Variants in GGT5 observed in about 807,000 individuals in gnomAD.
The protein encoded by GGT5 is gamma-glutamyltransferase 5.
In GGT5, 50 loss-of-function variants were observed where a neutral mutation model predicts 58.1. The observed-to-expected ratio is 0.86, with a 90% CI of 0.69 to 1.09. The LOEUF is 1.09. Ranked by LOEUF, GGT5 falls within the 50% of genes least tolerant of loss-of-function variation. The pLI is 0.00. For synonymous variants in GGT5, 370 were observed against 346.1 expected, an observed-to-expected ratio of 1.07 and a Z score of -0.77; for missense variants, 800 against 789.4, an observed-to-expected ratio of 1.01 and a Z score of -0.16.
chr22:24,228,975 A>G (rs188350084), intron 6 of GGT5, among the ~76,000 whole-genome samples: 16 of 151,964 alleles, frequency 1.1e-4, no homozygotes, highest in African/African-American at 3.9e-4. Context: ...GGGTAGTCCT[A>G]GCTACTCGGG....
chr22:24,239,338 C>CA (rs71189234), intron 1 of GGT5, among the ~76,000 whole-genome samples: 33 of 132,756 alleles, frequency 2.5e-4, no homozygotes, highest in Admixed American at 6.1e-4. Context: ...GACTCTGTCT[C>CA]AAAAAAAAAA....
rs1569357420 is a variant in GGT5, at chr22:24,226,728, C to G, written c.941G>C (p.Gly314Ala). The G allele has an allele frequency of 6.2e-7, 1 of 1,613,842 alleles. No individual in the cohort carries two copies. The change falls in exon 7 of 12, where the codon GGG (glycine) becomes GCG (alanine). Residue 314 changes from glycine to alanine, a missense_variant. Physicochemically the swap from Gly to Ala is moderately conservative, Grantham distance 60. Coordinates refer to ENST00000327365, the MANE Select transcript of GGT5 (RefSeq NM_004121.5). ...FSTESMARPE[G>A]RVNVYHHLVE... is the part of the protein sequence containing the mutation. ...AAGGTGGTGGTACACGTTCACCCTCCCTTCAGGCCTGGCCATAGACTCTGT... is the reference window on the plus strand; with the variant it reads ...AAGGTGGTGGTACACGTTCACCCTCGCTTCAGGCCTGGCCATAGACTCTGT...
chr22:24,237,167 C>T (rs1297450680), intron 1 of GGT5, among the ~76,000 whole-genome samples: 7 of 152,112 alleles, frequency 4.6e-5, no homozygotes, highest in Non-Finnish European at 7.3e-5. Context: ...TCCTGAGTAG[C>T]TGGGACTATA....
intron 1 of GGT5, among the ~76,000 whole-genome samples, chr22:24,237,478 G>A (rs187899057): frequency 1.1e-3 from 166 of 151,966 alleles, no homozygotes; most frequent in East Asian, 8.3e-3. Flanking sequence ...CCTCGATCTC[G>A]GCTCACTGCA....
chr22:24,234,241 C>T (rs571322613), intron 1 of GGT5, among the ~76,000 whole-genome samples: 2 of 152,334 alleles, frequency 1.3e-5, no homozygotes, highest in Non-Finnish European at 2.9e-5. Context: ...TTGCCATATA[C>T]AAGGTGCTTC....
chr22:24,225,690 C>A, intron 8 of GGT5, 38 bp from the exon 9 acceptor site: 2 of 1,298,016 alleles, frequency 1.5e-6, no homozygotes, highest in Non-Finnish European at 2.2e-6. Flanking sequence ...GGCTAGGACC[C>A]GGGGCTCCCA....
intron 1 of GGT5, among the ~76,000 whole-genome samples, chr22:24,239,111 G>A (rs1240690313): frequency 1.4e-5 from 2 of 146,216 alleles, no homozygotes; most frequent in African/African-American, 2.5e-5. Flanking sequence ...AGGCCGAGGC[G>A]GGTGTATCAT....
At chr22:24,229,650 G>A (rs5760267) in intron 6 of GGT5, among the ~76,000 whole-genome samples, 16,730 of 151,562 alleles carry the variant, frequency 0.11, 1,160 homozygotes, top group Admixed American at 0.2. Context: ...TGGCCAACAT[G>A]GTGAAACCCC....
chr22:24,230,372 GAA>G (rs948024670), intron 6 of GGT5, among the ~76,000 whole-genome samples: 2 of 77,436 alleles, frequency 2.6e-5, no homozygotes, highest in Non-Finnish European at 2.7e-5. Context: ...TGTCTAAAAA[GAA>G]AAAAAAAAAA....
At chr22:24,241,770 A>C (rs529847891) in intron 1 of GGT5, 13 of 150,410 alleles carry the variant, frequency 8.6e-5, no homozygotes, top group South Asian at 6.2e-4. Flanking sequence ...TATAGAATGA[A>C]GATATTAAGA....
At chr22:24,238,404 C>A (rs981944853) in intron 1 of GGT5, among the ~76,000 whole-genome samples, 3 of 151,052 alleles carry the variant, frequency 2.0e-5, no homozygotes, top group Admixed American at 6.6e-5. Context: ...TGGTGTCATG[C>A]GCCTGTTGTA....
intron 2 of GGT5, 30 bp from the exon 3 acceptor site, chr22:24,233,623 A>G: frequency 7.3e-7 from 1 of 1,372,132 alleles, no homozygotes; most frequent in Non-Finnish European, 1.0e-6. Context: ...GTGAGTGGTC[A>G]TGGACCCTGC....
rs1259687040 is a variant in GGT5, at chr22:24,234,135, G to C, written c.174-131C>G. ...CGGCTGCCACCAAACCGCAGATTAG[G>C]TTGCAGAACACAACCAGGCTTCCCC... is the stretch of plus-strand genomic sequence containing the variant. On this transcript the variant is annotated intron_variant, in intron 1 of 11. Coordinates refer to ENST00000327365, the MANE Select transcript of GGT5 (RefSeq NM_004121.5). 3.7e-6 allele frequency: 3 copies of C among 803,384 alleles called. No individual in the cohort carries two copies. The African/African-American group carries it at 5.1e-5, about 14-fold the overall frequency. The allele number at this position is 803,384 out of a possible 1,614,324, so 49.8% of individuals were successfully genotyped here.
intron 6 of GGT5, among the ~76,000 whole-genome samples, chr22:24,228,588 C>T (rs2047846568): frequency 1.3e-5 from 2 of 151,748 alleles, no homozygotes; most frequent in African/African-American, 4.8e-5. Context: ...GCAACTGGGA[C>T]TACAGGTGCC....
rs1394795636 is a variant in GGT5, at chr22:24,231,419, C to T, written c.866G>A (p.Gly289Asp). The stretch of plus-strand genomic sequence containing the variant: ...GTTGAGGATAAAGCTGAGAATGGCA[C>T]CCCCTGCAGGCGGCGGTGGTGAGTA... ...TLYSPPPPAG[G>D]AILSFILNVL... The change falls in exon 6 of 12, where the codon GGT becomes GAT. Residue 289 changes from glycine to aspartate, a missense_variant. Transcript: ENST00000327365. The T allele has an allele frequency of 6.4e-7, 1 of 1,555,862 alleles. No individual in the cohort carries two copies. Among genetic ancestry groups the T allele is most frequent in the East Asian group, 2.4e-5 (1 of 41,314 alleles).
intron 1 of GGT5, among the ~76,000 whole-genome samples, chr22:24,238,202 C>A (rs1465236096): frequency 1.4e-5 from 2 of 138,074 alleles, no homozygotes; most frequent in Non-Finnish European, 3.0e-5. Context: ...ACACCCCAGC[C>A]TGGGGGACAG....
In GGT5 at chr22:24,222,528, G is replaced by A. The variant is rs551736814; in HGVS notation, c.1615-2412C>T. On this transcript the variant is annotated intron_variant, in intron 11 of 11. Coordinates refer to ENST00000327365, the MANE Select transcript of GGT5 (RefSeq NM_004121.5). ...AAGACTCTCCTCGCCCTAGTCCCTGGGCCTTAGCTGTGAAGGTCCTTGGAG... is the reference window on the plus strand; with the variant it reads ...AAGACTCTCCTCGCCCTAGTCCCTGAGCCTTAGCTGTGAAGGTCCTTGGAG... Among the ~76,000 whole-genome samples the A allele has an allele frequency of 4.6e-5, 7 of 152,210 alleles. 1 individual carries two copies. The South Asian group carries it at 1.5e-3, about 32-fold the overall frequency.
chr22:24,226,317 G>T, intron 7 of GGT5, 51 bp from the exon 8 acceptor site: 1 of 1,418,184 alleles, frequency 7.1e-7, no homozygotes, highest in Non-Finnish European at 9.7e-7. Flanking sequence ...GGCAGAATCC[G>T]CAGAACCAAG....
rs571378728 is a variant in GGT5, at chr22:24,239,007, GCCCAAAGATATTTTTT to G, written c.174-5019_174-5004del. Among the ~76,000 whole-genome samples, 42 of 108,884 alleles carry G rather than the reference GCCCAAAGATATTTTTT, an allele frequency of 3.9e-4. No individual in the cohort carries two copies. The South Asian group carries it at 0.012, about 30-fold the overall frequency. 71.4% of individuals were successfully genotyped at this position (108,884 alleles called of 152,430 possible). ...GTCCTCAGGAGATCCTTGACCATGT[GCCCAAAGATATTTTTT>G]CCCAAAGATATTTTTATAAATAAAA... On this transcript the variant is annotated intron_variant, in intron 1 of 11. Transcript: ENST00000327365.
Sources: gnomAD v4.1 joint callset for allele counts (sites outside exome capture counted in the v4.1 genomes callset) on GRCh38, gnomAD v4.1.1 for gene constraint, MANE v1.5 for transcripts, NCBI Gene and HGNC (gene_info 2026-07-23, HGNC 2026-07-21) for gene names.